The following DGKI variants were observed in gnomAD, a reference collection of about 807,000 sequenced individuals.
The protein encoded by DGKI is diacylglycerol kinase iota, also known as DAG kinase iota.
In DGKI, 55 loss-of-function variants were observed where a neutral mutation model predicts 147.5. The ratio of observed to expected loss-of-function variants is 0.37; its 90% confidence interval spans 0.30 to 0.47. The LOEUF is 0.47. Among genes scored for constraint, DGKI ranks in the 20% least tolerant of loss-of-function variants. The probability of loss-of-function intolerance (pLI) is 1.00; values close to 1 mark genes in which losing one functional copy is unlikely to be tolerated. For synonymous variants in DGKI, 469 were observed against 477.1 expected (o/e 0.98, Z 0.22); for missense variants, 1,007 against 1,323.8 (o/e 0.76, Z 3.71).
rs999033399 is a variant in DGKI at position 137,585,867 on chromosome 7, C to A, written c.1426-521G>T. 2.0e-5 allele frequency among the ~76,000 whole-genome samples: 3 copies of A among 152,266 alleles called. No homozygotes were observed. In the East Asian group the frequency reaches 5.8e-4, roughly 29 times the overall value. On this transcript the variant is annotated intron_variant, in intron 13 of 32. Coordinates refer to ENST00000614521, the MANE Select transcript of DGKI (RefSeq NM_001321708.2). ...ACTGAGGAATGGCCCTGTTAGGGAG[C>A]TACTTAATCCTTGAAGATCCATTAC...
chr7:137,496,514 T>TA lies in DGKI; in HGVS notation c.2249-8826dup, dbSNP rs925604344. 2.1e-3 allele frequency among the ~76,000 whole-genome samples: 317 copies of TA among 149,050 alleles called. 3 individuals are homozygous for TA. Among genetic ancestry groups the TA allele is most frequent in the African/African-American group, 7.1e-3 (288 of 40,680 alleles). The stretch of plus-strand genomic sequence containing the variant: ...CAAATAGCCAAGGAAATAATAATAA[T>TA]AAAAAAAAAGCTGGAGGCATCACAA... On this transcript the variant is annotated intron_variant, in intron 21 of 32. Coordinates refer to ENST00000614521, the MANE Select transcript of DGKI (RefSeq NM_001321708.2).
intron 32 of DGKI, among the ~76,000 whole-genome samples, chr7:137,395,315 A>G (rs1218937217): frequency 6.6e-6 from 1 of 152,230 alleles, no homozygotes; most frequent in Non-Finnish European, 1.5e-5. Context: ...CTCAACTCCC[A>G]TGACTTGGCT....
intron 28 of DGKI, among the ~76,000 whole-genome samples, chr7:137,434,376 T>G (rs1813201389): frequency 6.6e-6 from 1 of 152,022 alleles, no homozygotes. Flanking sequence ...GGTCAGGAGT[T>G]TGAGACCAGG....
intron 5 of DGKI, among the ~76,000 whole-genome samples, chr7:137,650,471 G>A (rs1473961867): frequency 3.3e-5 from 5 of 152,282 alleles, no homozygotes; most frequent in Non-Finnish European, 5.9e-5. Flanking sequence ...AAAGGACTGG[G>A]GTTTGTGTCC....
intron 1 of DGKI, among the ~76,000 whole-genome samples, chr7:137,729,637 T>C (rs1794811118): frequency 4.6e-5 from 7 of 152,092 alleles, no homozygotes; most frequent in Admixed American, 4.6e-4. Context: ...CTGGATCCAC[T>C]ATAATTTGAC....
intron 2 of DGKI, among the ~76,000 whole-genome samples, chr7:137,689,066 C>G (rs1214707463): frequency 6.6e-6 from 1 of 152,140 alleles, no homozygotes; most frequent in Admixed American, 6.5e-5. Flanking sequence ...GCATGGGTTA[C>G]CTTTCCCCCA....
chr7:137,687,767 T>C (rs1823470054), intron 2 of DGKI, among the ~76,000 whole-genome samples: 1 of 152,192 alleles, frequency 6.6e-6, no homozygotes, highest in Non-Finnish European at 1.5e-5. Context: ...AGCCCTCAGA[T>C]GGACTGTCTC....
At chr7:137,421,421 C>T (rs138432136) in intron 28 of DGKI, among the ~76,000 whole-genome samples, 4 of 152,328 alleles carry the variant, frequency 2.6e-5, no homozygotes, top group African/African-American at 9.6e-5. Context: ...TTGGTTCTTT[C>T]CATCTGCTGT....
intron 3 of DGKI, among the ~76,000 whole-genome samples, chr7:137,665,859 A>G (rs763089235): frequency 2.2e-4 from 34 of 152,230 alleles, no homozygotes; most frequent in South Asian, 1.0e-3. Context: ...GAAAAAAAAG[A>G]CTGTGAGCTG....
intron 1 of DGKI, among the ~76,000 whole-genome samples, chr7:137,715,008 A>G (rs1209987603): frequency 6.6e-6 from 1 of 152,156 alleles, no homozygotes; most frequent in Non-Finnish European, 1.5e-5. Context: ...CTAATCAGAA[A>G]ACAGAAACAA....
chr7:137,615,530 T>C (rs1369627806), intron 8 of DGKI, among the ~76,000 whole-genome samples: 1 of 128,318 alleles, frequency 7.8e-6, no homozygotes, highest in African/African-American at 3.2e-5. Context: ...TATATGTATG[T>C]ATGTGTGTGT....
chr7:137,465,425 T>C (rs1437974101), intron 26 of DGKI, among the ~76,000 whole-genome samples: 1 of 152,194 alleles, frequency 6.6e-6, no homozygotes, highest in Non-Finnish European at 1.5e-5. Flanking sequence ...CACAGAGCAC[T>C]TAAGATGATT....
intron 28 of DGKI, among the ~76,000 whole-genome samples, chr7:137,419,040 T>C (rs1479803178): frequency 1.3e-5 from 2 of 152,200 alleles, no homozygotes; most frequent in South Asian, 4.1e-4. Context: ...ACAGATTACT[T>C]AGCAATCCAG....
chr7:137,557,172 C>T (rs1300009682), intron 19 of DGKI, among the ~76,000 whole-genome samples: 1 of 152,090 alleles, frequency 6.6e-6, no homozygotes, highest in Non-Finnish European at 1.5e-5. Context: ...AATCTCTCTC[C>T]CCCACTCACA....
At chr7:137,697,624 T>G (rs1232017741) in intron 1 of DGKI, among the ~76,000 whole-genome samples, 1 of 152,180 alleles carries the variant, frequency 6.6e-6, no homozygotes, top group African/African-American at 2.4e-5. Flanking sequence ...ACAGGTTATC[T>G]TCTAGCCTTC....
intron 1 of DGKI, among the ~76,000 whole-genome samples, chr7:137,719,436 T>C (rs1343769889): frequency 1.3e-5 from 2 of 152,070 alleles, no homozygotes; most frequent in African/African-American, 4.8e-5. Context: ...ACCTATCATT[T>C]TCTAGGCAGA....
intron 21 of DGKI, among the ~76,000 whole-genome samples, chr7:137,519,657 T>G (rs1284475956): frequency 6.6e-6 from 1 of 152,088 alleles, no homozygotes. Context: ...CTTTTGTCTT[T>G]ATACTCAGTT....
Position 137,501,918 on chromosome 7 carries a change from G to T in DGKI, c.2249-14229C>A, listed in dbSNP as rs543619444. On this transcript the variant is annotated intron_variant, in intron 21 of 32. Transcript: ENST00000614521. ...TGGTGGGAGATGAATGAATCATGGG[G>T]GCAGGTCTTTCCCATGCTGTTCTCA... Among the ~76,000 whole-genome samples the T allele has an allele frequency of 2.6e-5, 4 of 152,204 alleles. No homozygotes were observed. The East Asian group carries it at 7.7e-4, about 29-fold the overall frequency.
intron 3 of DGKI, among the ~76,000 whole-genome samples, chr7:137,657,670 C>G (rs1585337084): frequency 6.6e-6 from 1 of 152,188 alleles, no homozygotes; most frequent in South Asian, 2.1e-4. Context: ...GTGAAAGGTC[C>G]TGAGTTCCTG....
Sources: gnomAD v4.1 joint callset for allele counts (sites outside exome capture counted in the v4.1 genomes callset) on GRCh38, gnomAD v4.1.1 for gene constraint, MANE v1.5 for transcripts, NCBI Gene and HGNC (gene_info 2026-07-23, HGNC 2026-07-21) for gene names.